Variants in TTC21B observed in about 807,000 individuals in gnomAD.
The protein encoded by TTC21B is tetratricopeptide repeat domain 21B, also known as tetratricopeptide repeat protein 21B.
TTC21B carries 127 observed loss-of-function variants against 175.1 expected under a neutral mutation model. That is an observed-to-expected ratio of 0.73 (90% CI 0.63 to 0.84). The LOEUF (loss-of-function observed/expected upper bound fraction) is 0.84, where lower values mean the gene tolerates loss of function less well. TTC21B is among the 40% of genes least tolerant of loss of function. TTC21B has a pLI of 0.00. For missense variants in TTC21B, 1,561 were observed against 1,558.3 expected, an observed-to-expected ratio of 1.00 and a Z score of -0.03; for synonymous variants, 524 against 524.5, an observed-to-expected ratio of 1.00 and a Z score of 0.01.
chr2:165,921,961 C>T (rs1425315696), intron 12 of TTC21B, among the ~76,000 whole-genome samples: 1 of 151,760 alleles, frequency 6.6e-6, no homozygotes, highest in African/African-American at 2.4e-5. Flanking sequence ...AGTCTTTTAT[C>T]CCTCCCTCAC....
At chr2:165,891,408 A>T (rs568696348) in intron 22 of TTC21B, among the ~76,000 whole-genome samples, 4 of 152,150 alleles carry the variant, frequency 2.6e-5, no homozygotes, top group Non-Finnish European at 5.9e-5. Flanking sequence ...AGGGTGTGGG[A>T]ACAGTACAAT....
rs113645302 is a variant in TTC21B at position 165,911,608 on chromosome 2, T to C, written c.2323-143A>G. 3.3e-3 allele frequency: 2,739 copies of C among 837,574 alleles called. 63 individuals are homozygous for C. In the African/African-American group the frequency reaches 0.041, roughly 13 times the overall value. 51.9% of individuals were successfully genotyped at this position (837,574 alleles called of 1,614,324 possible). Reference sequence around the variant, plus strand: ...TGTAGGCATACACCTGCCTGTCAATTAAGTATGTCATACTTCTCAGAGAAT... The same window carrying C: ...TGTAGGCATACACCTGCCTGTCAATCAAGTATGTCATACTTCTCAGAGAAT... On this transcript the variant is annotated intron_variant, in intron 17 of 28. Coordinates refer to ENST00000243344, the MANE Select transcript of TTC21B (RefSeq NM_024753.5).
chr2:165,892,749 T>G (rs1000365953), intron 22 of TTC21B, among the ~76,000 whole-genome samples: 2 of 152,150 alleles, frequency 1.3e-5, no homozygotes, highest in African/African-American at 4.8e-5. Flanking sequence ...TGTACAGACT[T>G]CAGTTTGGAA....
In TTC21B at chr2:165,883,759, G is replaced by A. The variant is rs751740192; in HGVS notation, c.3684+35C>T. The A allele has an allele frequency of 2.6e-6, 4 of 1,510,820 alleles. No homozygotes were observed. The South Asian group carries it at 3.4e-5, about 13-fold the overall frequency. 93.6% of individuals were successfully genotyped at this position (1,510,820 alleles called of 1,614,324 possible). A position where few individuals can be genotyped will look rare whatever the true frequency, so the allele number is the denominator to read the frequency against. On this transcript the variant is annotated intron_variant, in intron 26 of 28. Transcript: ENST00000243344. ...CTATATGGAAAGCTTATGCAACAAAGGTCAATAATTATTTTTTACTCTTCA... is the reference window on the plus strand; with the variant it reads ...CTATATGGAAAGCTTATGCAACAAAAGTCAATAATTATTTTTTACTCTTCA...
At chr2:165,943,671 T>C (rs893692255) in intron 4 of TTC21B, among the ~76,000 whole-genome samples, 1 of 152,166 alleles carries the variant, frequency 6.6e-6, no homozygotes, top group African/African-American at 2.4e-5. Context: ...AAACATGAAA[T>C]TCAATATATA....
intron 22 of TTC21B, among the ~76,000 whole-genome samples, chr2:165,895,655 G>A (rs974838801): frequency 6.6e-6 from 1 of 151,964 alleles, no homozygotes; most frequent in Non-Finnish European, 1.5e-5. Flanking sequence ...AAATGGCAGG[G>A]AAAAAAACGA....
At chr2:165,939,981 T>C (rs1385930540) in intron 6 of TTC21B, among the ~76,000 whole-genome samples, 1 of 152,176 alleles carries the variant, frequency 6.6e-6, no homozygotes, top group African/African-American at 2.4e-5. Context: ...TAATAGTACC[T>C]TCCTCTTAGG....
chr2:165,946,785 C>T (rs889144057), intron 3 of TTC21B, among the ~76,000 whole-genome samples: 1 of 152,054 alleles, frequency 6.6e-6, no homozygotes, highest in Non-Finnish European at 1.5e-5. Context: ...TTGCAGTGAG[C>T]CTAGATTGCA....
At chr2:165,911,866 T>C (rs7557366) in intron 17 of TTC21B, among the ~76,000 whole-genome samples, 3 of 152,136 alleles carry the variant, frequency 2.0e-5, no homozygotes, top group African/African-American at 4.8e-5. Flanking sequence ...GGTTTCACCA[T>C]GTTGGCCAGG....
At chr2:165,951,982 T>G (rs186368839) in intron 1 of TTC21B, among the ~76,000 whole-genome samples, 1 of 151,930 alleles carries the variant, frequency 6.6e-6, no homozygotes, top group African/African-American at 2.4e-5. Context: ...CCCCTCATTC[T>G]CCCTCCACAC....
intron 8 of TTC21B, 36 bp from the exon 9 acceptor site, chr2:165,930,400 T>A (rs373211997): frequency 5.5e-6 from 8 of 1,448,922 alleles, no homozygotes; most frequent in Non-Finnish European, 6.7e-6. Flanking sequence ...GATTTCAAAG[T>A]CTAACATTTC....
chr2:165,920,726 G>A (rs996683694), intron 12 of TTC21B, among the ~76,000 whole-genome samples: 4 of 69,718 alleles, frequency 5.7e-5, no homozygotes, highest in African/African-American at 1.6e-4. Context: ...GTGAGGAGAT[G>A]GATATGTAGG....
At chr2:165,932,562 C>T (rs1686952688) in intron 7 of TTC21B, among the ~76,000 whole-genome samples, 1 of 151,752 alleles carries the variant, frequency 6.6e-6, no homozygotes, top group Admixed American at 6.6e-5. Context: ...TTATCCCAAG[C>T]CCATTTAATT....
chr2:165,898,491 T>C (rs1414846290), intron 22 of TTC21B, 195 bp downstream of exon 22: 1 of 633,590 alleles, frequency 1.6e-6, no homozygotes, highest in East Asian at 2.7e-5. Context: ...GTGCTCATAA[T>C]TTAAAGTGAG....
rs924464965 is a variant in TTC21B at position 165,918,302 on chromosome 2, AT to A, written c.1675-822del. 1.4e-4 allele frequency among the ~76,000 whole-genome samples: 21 copies of A among 149,904 alleles called. No individual in the cohort carries two copies. The East Asian group carries it at 2.4e-3, about 17-fold the overall frequency. On this transcript the variant is annotated intron_variant, in intron 13 of 28. Coordinates refer to ENST00000243344, the MANE Select transcript of TTC21B (RefSeq NM_024753.5). ...TAAGAAGCAGGTGATATTTTCTGCAATTTTTTTTTTGAGATGGAGTCTCGCT... is the reference window on the plus strand; with the variant it reads ...TAAGAAGCAGGTGATATTTTCTGCAATTTTTTTTTGAGATGGAGTCTCGCT...
At chr2:165,926,577 A>T (rs79814210) in intron 11 of TTC21B, among the ~76,000 whole-genome samples, 2,228 of 152,170 alleles carry the variant, frequency 0.015, 68 homozygotes, top group African/African-American at 0.052. Flanking sequence ...ATGTTCTGTG[A>T]TGGTTAATAC....
chr2:165,901,421 A>C (rs1685554397), intron 20 of TTC21B, among the ~76,000 whole-genome samples: 1 of 151,932 alleles, frequency 6.6e-6, no homozygotes, highest in African/African-American at 2.4e-5. Flanking sequence ...CCCAGGTTCA[A>C]GCGATTCTCC....
At chr2:165,882,775 T>A (rs1302801935) in intron 26 of TTC21B, among the ~76,000 whole-genome samples, 2 of 152,232 alleles carry the variant, frequency 1.3e-5, no homozygotes, top group African/African-American at 2.4e-5. Context: ...TGTATTGTTA[T>A]CAGCGTTCTG....
chr2:165,911,086 A>G (rs888983057), intron 18 of TTC21B, among the ~76,000 whole-genome samples: 1 of 152,150 alleles, frequency 6.6e-6, no homozygotes, highest in African/African-American at 2.4e-5. Context: ...AAAGATAACT[A>G]TATTATTTTG....
Sources: allele counts gnomAD v4.1 joint callset (sites outside exome capture counted in the v4.1 genomes callset), GRCh38; gene constraint gnomAD v4.1.1; transcripts MANE v1.5; gene names NCBI Gene and HGNC (gene_info 2026-07-23, HGNC 2026-07-21).